ATP2B1: variants seen among roughly 807,000 people sequenced by gnomAD.
ATP2B1 encodes ATPase plasma membrane Ca2+ transporting 1.
ATP2B1 carries 14 observed loss-of-function variants against 124.2 expected under a neutral mutation model. The observed-to-expected ratio is 0.11, with a 90% CI of 0.07 to 0.18. The LOEUF (loss-of-function observed/expected upper bound fraction) is 0.18. Among genes scored for constraint, ATP2B1 ranks in the 10% least tolerant of loss-of-function variants. The probability of loss-of-function intolerance (pLI) is 1.00; values close to 1 mark genes in which losing one functional copy is unlikely to be tolerated. For synonymous variants in ATP2B1, 449 were observed against 492.4 expected, an observed-to-expected ratio of 0.91 and a Z score of 1.17; for missense variants, 763 against 1,466.1, an observed-to-expected ratio of 0.52 and a Z score of 7.83.
chr12:89,626,735 C>T (rs561102686), intron 7 of ATP2B1, 120 bp from the exon 8 acceptor site: 1 of 1,166,992 alleles, frequency 8.6e-7, no homozygotes, highest in East Asian at 2.6e-5. Flanking sequence ...AAGCATTCAG[C>T]TTTGTGAGTG....
chr12:89,621,678 T>C lies in ATP2B1; in HGVS notation c.1458A>G (p.Thr486=), dbSNP rs760680235. 4 of 1,612,396 alleles carry C rather than the reference T, an allele frequency of 2.5e-6. No individual in the cohort carries two copies. The East Asian group carries it at 8.9e-5, about 36-fold the overall frequency. ...KTGTLTMNRM[T]VVQAYINEKH... ...TTTCATTTATGTAAGCTTGAACGACTGTCATTCTGTTCATTGTCAAAGTTC... is the reference window on the plus strand; with the variant it reads ...TTTCATTTATGTAAGCTTGAACGACCGTCATTCTGTTCATTGTCAAAGTTC... The change falls in exon 10 of 21, where the codon ACA becomes ACG. Residue 486 remains threonine (T), a synonymous_variant. Coordinates refer to ENST00000428670, the MANE Select transcript of ATP2B1 (RefSeq NM_001366521.1).
At chr12:89,644,604 G>A (rs541882500) in intron 2 of ATP2B1, among the ~76,000 whole-genome samples, 1 of 151,910 alleles carries the variant, frequency 6.6e-6, no homozygotes, top group Non-Finnish European at 1.5e-5. Context: ...TTAAGACAGA[G>A]TCAATAGAAA....
At chr12:89,662,134 T>C (rs558056646) in intron 1 of ATP2B1, among the ~76,000 whole-genome samples, 1 of 151,008 alleles carries the variant, frequency 6.6e-6, no homozygotes, top group African/African-American at 2.5e-5. Context: ...ATGATCTTTC[T>C]TTCTTTTTTT....
At chr12:89,661,920 C>G (rs1000634053) in intron 1 of ATP2B1, among the ~76,000 whole-genome samples, 3 of 152,200 alleles carry the variant, frequency 2.0e-5, no homozygotes, top group Admixed American at 6.5e-5. Flanking sequence ...AGCCCTACCC[C>G]ACCCAGTCCT....
At chr12:89,660,306 G>T (rs535749828) in intron 1 of ATP2B1, among the ~76,000 whole-genome samples, 126 of 152,294 alleles carry the variant, frequency 8.3e-4, no homozygotes, top group African/African-American at 3.0e-3. Flanking sequence ...TTACATGACA[G>T]AATTGGGATC....
chr12:89,693,630 A>C (rs1890792529), intron 1 of ATP2B1, among the ~76,000 whole-genome samples: 1 of 152,204 alleles, frequency 6.6e-6, no homozygotes, highest in South Asian at 2.1e-4. Context: ...CCATCACTAA[A>C]ATGTAAATTT....
At chr12:89,613,881 G>C (rs1245298511) in intron 12 of ATP2B1, among the ~76,000 whole-genome samples, 1 of 152,106 alleles carries the variant, frequency 6.6e-6, no homozygotes, top group Non-Finnish European at 1.5e-5. Flanking sequence ...ATAAAAACTG[G>C]ATTTGTTCTA....
chr12:89,677,973 C>T (rs79884251), intron 1 of ATP2B1, among the ~76,000 whole-genome samples: 11,260 of 43,442 alleles, frequency 0.26, 1,325 homozygotes, highest in South Asian at 0.42. Flanking sequence ...TATATATATA[C>T]ACACACACAC....
chr12:89,615,056 T>A (rs138003532), intron 12 of ATP2B1, among the ~76,000 whole-genome samples: 18 of 152,294 alleles, frequency 1.2e-4, no homozygotes, highest in African/African-American at 4.1e-4. Flanking sequence ...AGGCCAGAGA[T>A]CATCTCGTCT....
chr12:89,611,618 T>C lies in ATP2B1; in HGVS notation c.2068-246A>G, dbSNP rs541295071. On this transcript the variant is annotated intron_variant, in intron 12 of 20. Coordinates refer to ENST00000428670, the MANE Select transcript of ATP2B1 (RefSeq NM_001366521.1). ...TTCAGTTGTCATCTACTAATTTGTTTGCAGTATTTATTTACAGAAGGCTTT... is the reference window on the plus strand; with the variant it reads ...TTCAGTTGTCATCTACTAATTTGTTCGCAGTATTTATTTACAGAAGGCTTT... The C allele has an allele frequency of 1.5e-3, 528 of 348,372 alleles. 1 individual carries two copies. The highest frequency in any genetic ancestry group is 0.01 in the African/African-American group (477 of 47,620). The allele number at this position is 348,372 out of a possible 1,614,324, so 21.6% of individuals were successfully genotyped here.
At position 89,591,129 on chromosome 12, in the gene ATP2B1, G is replaced by A; in HGVS notation, c.3518C>T (p.Thr1173Ile). 6.2e-7 allele frequency: 1 copy of A among 1,613,300 alleles called. No individual in the cohort carries two copies. Among genetic ancestry groups the A allele is most frequent in the Middle Eastern group, 1.7e-4 (1 of 6,058 alleles). ...GGGTGGAGGACTGGAGTTACGTTTT[G>A]TAGGAGCATCATCTTCGGCATCAGT... ...DDTDAEDDAP[T>I]KRNSSPPPSP... The change falls in exon 21 of 21, where the codon ACA (threonine) becomes ATA (isoleucine). Residue 1173 changes from threonine to isoleucine, a missense_variant. Coordinates refer to ENST00000428670, the MANE Select transcript of ATP2B1 (RefSeq NM_001366521.1).
At chr12:89,594,797 ATT>A (rs1261820410) in intron 20 of ATP2B1, 3 of 151,992 alleles carry the variant, frequency 2.0e-5, no homozygotes, top group South Asian at 2.1e-4. Flanking sequence ...AGAAAATAAC[ATT>A]GTTTACTGCC....
intron 3 of ATP2B1, among the ~76,000 whole-genome samples, chr12:89,637,907 A>T (rs1309925605): frequency 2.0e-5 from 3 of 152,164 alleles, no homozygotes; most frequent in African/African-American, 7.2e-5. Context: ...TCAGCTCTGA[A>T]TCTGACATGG....
chr12:89,605,263 C>T (rs1026746210), intron 15 of ATP2B1, among the ~76,000 whole-genome samples: 5 of 152,160 alleles, frequency 3.3e-5, no homozygotes, highest in African/African-American at 4.8e-5. Context: ...AACCTTGCCA[C>T]GAGCTGAAAG....
At chr12:89,626,790 G>C (rs543701141) in intron 7 of ATP2B1, among the ~76,000 whole-genome samples, 175 bp from the exon 8 acceptor site, 15 of 152,264 alleles carry the variant, frequency 9.9e-5, no homozygotes, top group African/African-American at 3.4e-4. Flanking sequence ...AGTGACGTTA[G>C]GTTGTGAAAC....
chr12:89,598,012 T>TTC (rs1874989561), intron 20 of ATP2B1, among the ~76,000 whole-genome samples: 1 of 102,988 alleles, frequency 9.7e-6, no homozygotes, highest in Admixed American at 1.5e-4. Flanking sequence ...ACACAGTGAT[T>TTC]TCCCCTGAAA....
chr12:89,641,411 G>A (rs1484059097), intron 3 of ATP2B1, among the ~76,000 whole-genome samples: 1 of 152,166 alleles, frequency 6.6e-6, no homozygotes, highest in Non-Finnish European at 1.5e-5. Context: ...TTGGGAATAT[G>A]TGCATATATA....
intron 10 of ATP2B1, among the ~76,000 whole-genome samples, chr12:89,620,526 C>T (rs1318581467): frequency 1.3e-5 from 2 of 152,088 alleles, no homozygotes; most frequent in African/African-American, 4.8e-5. Flanking sequence ...CTTATGACCC[C>T]AAAATTAAGT....
At chr12:89,700,772 A>C (rs1891754832) in intron 1 of ATP2B1, among the ~76,000 whole-genome samples, 1 of 152,244 alleles carries the variant, frequency 6.6e-6, no homozygotes. Context: ...CAATTAAAGC[A>C]GGAGCAAGTC....
Sources: gnomAD v4.1 joint callset for allele counts (sites outside exome capture counted in the v4.1 genomes callset) on GRCh38, gnomAD v4.1.1 for gene constraint, MANE v1.5 for transcripts, NCBI Gene and HGNC (gene_info 2026-07-23, HGNC 2026-07-21) for gene names.